The following SCNN1B variants were observed in gnomAD, a reference collection of about 807,000 sequenced individuals.
The protein encoded by SCNN1B is sodium channel epithelial 1 subunit beta, also known as epithelial sodium channel subunit beta.
Under a neutral mutation model 65.3 loss-of-function variants are expected in SCNN1B, and 46 were observed. That is an observed-to-expected ratio of 0.70 (90% CI 0.56 to 0.90). SCNN1B has a LOEUF of 0.90. SCNN1B is among the 40% of genes least tolerant of loss of function. The pLI is 0.00. For missense variants in SCNN1B, 751 were observed against 830.5 expected (o/e 0.90, Z 1.18); for synonymous variants, 349 against 330.6 (o/e 1.06, Z -0.60).
At chr16:23,378,628 C>T (rs1181159703) in intron 10 of SCNN1B, 78 bp from the exon 11 acceptor site, 14 of 1,359,890 alleles carry the variant, frequency 1.0e-5, no homozygotes, top group Middle Eastern at 3.6e-4. Context: ...CTGTGGTCTA[C>T]CTCCCCCAGG....
chr16:23,322,042 A>G (rs531191071), intron 1 of SCNN1B, among the ~76,000 whole-genome samples: 21 of 152,080 alleles, frequency 1.4e-4, no homozygotes, highest in Non-Finnish European at 2.4e-4. Flanking sequence ...AATAATAGAT[A>G]TTAATTATGA....
At chr16:23,319,858 C>G (rs1458708113) in intron 1 of SCNN1B, among the ~76,000 whole-genome samples, 1 of 152,078 alleles carries the variant, frequency 6.6e-6, no homozygotes, top group African/African-American at 2.4e-5. Context: ...ACCTCCGCTT[C>G]CTGGGTTCAG....
intron 4 of SCNN1B, among the ~76,000 whole-genome samples, chr16:23,366,819 C>T (rs930951200): frequency 6.6e-6 from 1 of 152,194 alleles, no homozygotes; most frequent in Non-Finnish European, 1.5e-5. Context: ...CCACCGCTCC[C>T]AACCTCCTCT....
intron 1 of SCNN1B, among the ~76,000 whole-genome samples, chr16:23,282,978 C>A (rs1325132649): frequency 6.6e-6 from 1 of 152,212 alleles, no homozygotes; most frequent in Non-Finnish European, 1.5e-5. Flanking sequence ...ACCTTGAATT[C>A]TCTCCTGGAC....
chr16:23,338,528 T>G (rs2142007062), intron 1 of SCNN1B, among the ~76,000 whole-genome samples: 1 of 152,216 alleles, frequency 6.6e-6, no homozygotes, highest in South Asian at 2.1e-4. Context: ...ATAATTGAGG[T>G]TTTGCTGCGA....
chr16:23,367,808 C>A, intron 4 of SCNN1B, 48 bp from the exon 5 acceptor site: 1 of 1,392,484 alleles, frequency 7.2e-7, no homozygotes, highest in Non-Finnish European at 1.0e-6. Context: ...TCGGGGGAGG[C>A]ATTGCCTGTG....
intron 7 of SCNN1B, among the ~76,000 whole-genome samples, chr16:23,374,568 C>A (rs1962852228): frequency 9.5e-6 from 1 of 105,028 alleles, no homozygotes; most frequent in Non-Finnish European, 1.8e-5. Context: ...AGCAAGACTC[C>A]ATCTCAAAAA....
chr16:23,319,986 A>G (rs1384470080), intron 1 of SCNN1B, among the ~76,000 whole-genome samples: 2 of 151,986 alleles, frequency 1.3e-5, no homozygotes, highest in Non-Finnish European at 2.9e-5. Context: ...GGCTCAAGTG[A>G]TCCTCTCACC....
At chr16:23,367,236 T>C (rs757486289) in intron 4 of SCNN1B, among the ~76,000 whole-genome samples, 2 of 152,194 alleles carry the variant, frequency 1.3e-5, no homozygotes, top group African/African-American at 2.4e-5. Flanking sequence ...ATGTGCCTCT[T>C]TTGAGGTGTA....
intron 11 of SCNN1B, among the ~76,000 whole-genome samples, chr16:23,379,633 G>A (rs759055083): frequency 1.2e-4 from 19 of 152,200 alleles, no homozygotes; most frequent in East Asian, 7.7e-4. Context: ...CAGTGAAGGC[G>A]CTCAAGGCTC....
chr16:23,338,047 G>A (rs1246336919), intron 1 of SCNN1B, among the ~76,000 whole-genome samples: 2 of 152,170 alleles, frequency 1.3e-5, no homozygotes, highest in Non-Finnish European at 2.9e-5. Flanking sequence ...ACTTCAACCT[G>A]TATGACAGAG....
chr16:23,289,114 TTGACAC>T (rs1184908512), intron 2 of SCNN1B, among the ~76,000 whole-genome samples: 1 of 152,206 alleles, frequency 6.6e-6, no homozygotes, highest in African/African-American at 2.4e-5. Flanking sequence ...TACAGGGGTG[TTGACAC>T]CAGCAGGCGG....
rs138716323 is a variant in SCNN1B at position 23,350,040 on chromosome 16, T to C, written c.311+1130T>C. Among the ~76,000 whole-genome samples, 528 of 151,750 alleles carry C rather than the reference T, an allele frequency of 3.5e-3. 22 individuals are homozygous for C. In the East Asian group the frequency reaches 0.086, roughly 25 times the overall value. On this transcript the variant is annotated intron_variant, in intron 2 of 12. Transcript: ENST00000343070. ...TTATAGTGAGCTGAGATTGCATCAC[T>C]GCACTCCAGCCTGGGCAACAGAACA...
intron 1 of SCNN1B, among the ~76,000 whole-genome samples, chr16:23,324,757 T>C (rs548337857): frequency 3.3e-5 from 5 of 152,282 alleles, no homozygotes; most frequent in Non-Finnish European, 5.9e-5. Context: ...CCTCTCCAAG[T>C]TGCCTCCAGC....
At chr16:23,305,578 TA>T (rs1567290497) in intron 1 of SCNN1B, among the ~76,000 whole-genome samples, 1,623 of 22,812 alleles carry the variant, frequency 0.071, 126 homozygotes, top group African/African-American at 0.34. Flanking sequence ...ATATATATAT[TA>T]TATATATATA....
intron 1 of SCNN1B, chr16:23,303,999 C>T (rs1474327403): frequency 7.8e-7 from 1 of 1,281,086 alleles, no homozygotes; most frequent in Non-Finnish European, 1.1e-6. Flanking sequence ...ACCAGTTATC[C>T]ATGCTGCTGC....
At chr16:23,281,206 G>A (rs1960778906) in intron 1 of SCNN1B, among the ~76,000 whole-genome samples, 1 of 152,196 alleles carries the variant, frequency 6.6e-6, no homozygotes, top group Non-Finnish European at 1.5e-5. Context: ...GCCAAAGTGG[G>A]TGGTTCATCT....
intron 2 of SCNN1B, among the ~76,000 whole-genome samples, chr16:23,296,870 C>T (rs757182163): frequency 6.6e-6 from 1 of 151,834 alleles, no homozygotes; most frequent in African/African-American, 2.4e-5. Context: ...CTTGGTGAGG[C>T]GCACAACTCA....
At chr16:23,331,172 A>G (rs1231059340) in intron 1 of SCNN1B, among the ~76,000 whole-genome samples, 4 of 151,674 alleles carry the variant, frequency 2.6e-5, no homozygotes, top group Non-Finnish European at 5.9e-5. Context: ...CAACTTGCTC[A>G]CCCTCCCCAC....
Sources: gnomAD v4.1 joint callset for allele counts (sites outside exome capture counted in the v4.1 genomes callset) on GRCh38, gnomAD v4.1.1 for gene constraint, MANE v1.5 for transcripts, NCBI Gene and HGNC (gene_info 2026-07-23, HGNC 2026-07-21) for gene names.